The following LCP2 variants were observed in gnomAD, a reference collection of about 807,000 sequenced individuals.
The protein encoded by LCP2 is lymphocyte cytosolic protein 2, also known as 76 kDa tyrosine phosphoprotein.
In LCP2, 29 loss-of-function variants were observed where a neutral mutation model predicts 74.5. That is an observed-to-expected ratio of 0.39 (90% CI 0.29 to 0.53). The LOEUF is 0.53. Ranked by LOEUF, LCP2 falls within the 20% of genes least tolerant of loss-of-function variation. The probability of loss-of-function intolerance (pLI) is 0.72; values close to 1 mark genes in which losing one functional copy is unlikely to be tolerated. For missense variants in LCP2, 604 were observed against 634.6 expected (o/e 0.95, Z 0.52); for synonymous variants, 228 against 229.5 (o/e 0.99, Z 0.06).
intron 10 of LCP2, among the ~76,000 whole-genome samples, chr5:170,266,121 T>C (rs929689612): frequency 2.6e-5 from 4 of 152,200 alleles, no homozygotes; most frequent in African/African-American, 9.7e-5. Flanking sequence ...ACTTGCCCCA[T>C]AGCAGTTGCT....
At chr5:170,264,199 C>G (rs1201515405) in intron 10 of LCP2, among the ~76,000 whole-genome samples, 1 of 152,186 alleles carries the variant, frequency 6.6e-6, no homozygotes, top group Non-Finnish European at 1.5e-5. Flanking sequence ...TTTATAAAAC[C>G]TCCAATCTTC....
chr5:170,275,577 T>A (rs935631681), intron 4 of LCP2: 1 of 645,650 alleles, frequency 1.5e-6, no homozygotes, highest in Admixed American at 2.8e-5. Flanking sequence ...GACTGTCTGA[T>A]GCTGTAGAGG....
chr5:170,291,222 G>GAAGGAAGGAAGGAAGGAAGGAAGGAAGA (rs1224403800), intron 2 of LCP2, among the ~76,000 whole-genome samples: 1 of 128,022 alleles, frequency 7.8e-6, no homozygotes, highest in African/African-American at 3.4e-5. Flanking sequence ...AGGAAGGAAG[G>GAAGGAAGGAAGGAAGGAAGGAAGGAAGA]AAGAAAGGAA....
chr5:170,289,675 C>CTTTCTTTCTT (rs1762251739), intron 2 of LCP2, among the ~76,000 whole-genome samples: 1 of 113,362 alleles, frequency 8.8e-6, no homozygotes, highest in Non-Finnish European at 1.9e-5. Flanking sequence ...CTTTCTTTCT[C>CTTTCTTTCTT]TCTCTCTCTC....
At chr5:170,274,039 C>T in intron 6 of LCP2, 3 of 523,734 alleles carry the variant, frequency 5.7e-6, no homozygotes, top group Admixed American at 3.3e-5. Context: ...GGCGCAAAGC[C>T]AAGCCTGTTT....
intron 2 of LCP2, among the ~76,000 whole-genome samples, chr5:170,289,142 A>G (rs542711325): frequency 6.6e-6 from 1 of 152,292 alleles, no homozygotes; most frequent in South Asian, 2.1e-4. Context: ...AATGGGGACC[A>G]TAATAATAAT....
chr5:170,267,125 G>T, intron 8 of LCP2, 50 bp from the exon 9 acceptor site: 1 of 1,581,958 alleles, frequency 6.3e-7, no homozygotes, highest in Non-Finnish European at 8.7e-7. Flanking sequence ...ATCAGCAAGA[G>T]CCGGCACTCC....
At chr5:170,285,598 A>G (rs1460166862) in intron 3 of LCP2, among the ~76,000 whole-genome samples, 1 of 152,194 alleles carries the variant, frequency 6.6e-6, no homozygotes, top group Non-Finnish European at 1.5e-5. Flanking sequence ...GATTAGGGCT[A>G]ATTATTCCCC....
chr5:170,295,953 C>T (rs140395795), intron 1 of LCP2, among the ~76,000 whole-genome samples: 59 of 152,306 alleles, frequency 3.9e-4, no homozygotes, highest in African/African-American at 1.4e-3. Context: ...ACCCGTGGTC[C>T]ATCTCCCTGT....
intron 14 of LCP2, 122 bp downstream of exon 14, chr5:170,260,985 C>G (rs1761639037): frequency 1.4e-6 from 1 of 729,552 alleles, no homozygotes; most frequent in Non-Finnish European, 2.5e-6. Context: ...GACGAGACCC[C>G]TGGGTGCAGG....
chr5:170,265,111 T>C (rs375219105), intron 10 of LCP2, among the ~76,000 whole-genome samples: 18 of 151,412 alleles, frequency 1.2e-4, no homozygotes, highest in Middle Eastern at 3.4e-3. Context: ...CCTCAGCCTC[T>C]TGAGTAGCTG....
chr5:170,268,073 A>C (rs982923755), intron 8 of LCP2, among the ~76,000 whole-genome samples: 2 of 152,044 alleles, frequency 1.3e-5, no homozygotes, highest in African/African-American at 4.8e-5. Context: ...TTTTTGCAGG[A>C]GAGAGGAAGG....
At chr5:170,295,801 C>G (rs1762368915) in intron 1 of LCP2, among the ~76,000 whole-genome samples, 1 of 152,144 alleles carries the variant, frequency 6.6e-6, no homozygotes, top group African/African-American at 2.4e-5. Context: ...CCTCAGTCTC[C>G]TAGTTTCTTC....
At position 170,297,624 on chromosome 5, in the gene LCP2, G is replaced by T. The variant is rs200236227; in HGVS notation, c.-13C>A. The T allele has an allele frequency of 6.2e-7, 1 of 1,603,380 alleles. No individual in the cohort carries two copies. Among genetic ancestry groups the T allele is most frequent in the Admixed American group, 1.7e-5 (1 of 58,788 alleles). On this transcript the variant is annotated 5_prime_UTR_variant, in exon 1 of 21. Coordinates refer to ENST00000046794, the MANE Select transcript of LCP2 (RefSeq NM_005565.5). ...TCCTCAGTGCCATGGCTGCTCTCCC[G>T]GGAAGAAGCTCACAAGCTGAGCATG...
rs140332306 is a variant in LCP2 at position 170,293,267 on chromosome 5, C to T, written c.141+43G>A. 1.8e-4 allele frequency: 284 copies of T among 1,578,358 alleles called. 1 individual carries two copies. The African/African-American group carries it at 2.5e-3, about 14-fold the overall frequency. On this transcript the variant is annotated intron_variant, in intron 2 of 20. Transcript: ENST00000046794. Reference sequence around the variant, plus strand: ...GCCCTGCAGCCATGGGGAAAAGTGCCGAACAGTCTTGGTTTCAGTGTGTTG... The same window carrying T: ...GCCCTGCAGCCATGGGGAAAAGTGCTGAACAGTCTTGGTTTCAGTGTGTTG...
Position 170,268,426 on chromosome 5 carries a change from TCGGTCTCTGGGGGGGC to T in LCP2, c.564_579del (p.Pro189TrpfsTer42). 3.4e-6 allele frequency: 2 copies of T among 594,522 alleles called. No homozygotes were observed. The highest frequency in any genetic ancestry group is 4.3e-6 in the Non-Finnish European group (2 of 463,402). 36.8% of individuals were successfully genotyped at this position (594,522 alleles called of 1,614,324 possible). A position where few individuals can be genotyped will look rare whatever the true frequency, so the allele number is the denominator to read the frequency against. On this transcript the variant is annotated frameshift_variant, in exon 8 of 21. Coordinates refer to ENST00000046794, the MANE Select transcript of LCP2 (RefSeq NM_005565.5). LOFTEE classifies it high-confidence loss of function. ...GCTGGTGGGGGCGGGAGGGCGGCCATCGGTCTCTGGGGGGGCACAGGAGGCTGCTGGGGGGTTTTCC... is the reference window on the plus strand; with the variant it reads ...GCTGGTGGGGGCGGGAGGGCGGCCATACAGGAGGCTGCTGGGGGGTTTTCC...
chr5:170,286,132 A>G (rs1762179264), intron 3 of LCP2, among the ~76,000 whole-genome samples: 1 of 152,226 alleles, frequency 6.6e-6, no homozygotes, highest in African/African-American at 2.4e-5. Flanking sequence ...TTCGAAAGCC[A>G]AAGTTCCCAT....
At position 170,287,906 on chromosome 5, in the gene LCP2, C is replaced by T. The variant is rs1296856328; in HGVS notation, c.188+64G>A. ...TGACATAGAACTGACCCAGCCCCCACTCACACTACTCCCCATTCCCACCTC... is the reference window on the plus strand; with the variant it reads ...TGACATAGAACTGACCCAGCCCCCATTCACACTACTCCCCATTCCCACCTC... On this transcript the variant is annotated intron_variant, in intron 3 of 20. Coordinates refer to ENST00000046794, the MANE Select transcript of LCP2 (RefSeq NM_005565.5). 6 of 1,474,932 alleles carry T rather than the reference C, an allele frequency of 4.1e-6. No homozygotes were observed. In the African/African-American group the frequency reaches 4.2e-5, roughly 10 times the overall value. The allele number at this position is 1,474,932 out of a possible 1,614,324, so 91.4% of individuals were successfully genotyped here.
chr5:170,273,921 G>GGGGGGC (rs1561973025), intron 6 of LCP2: 1 of 152,366 alleles, frequency 6.6e-6, no homozygotes, highest in African/African-American at 4.2e-5. Context: ...TTTTGGAGAC[G>GGGGGGC]GGGGGGTAGT....
Sources: gnomAD v4.1 joint callset for allele counts (sites outside exome capture counted in the v4.1 genomes callset) on GRCh38, gnomAD v4.1.1 for gene constraint, MANE v1.5 for transcripts, NCBI Gene and HGNC (gene_info 2026-07-23, HGNC 2026-07-21) for gene names.